PTK2: variants seen among roughly 807,000 people sequenced by gnomAD.
The protein encoded by PTK2 is focal adhesion kinase 1.
PTK2 carries 45 observed loss-of-function variants against 150.1 expected under a neutral mutation model. The ratio of observed to expected loss-of-function variants is 0.30; its 90% CI spans 0.24 to 0.38. The LOEUF (loss-of-function observed/expected upper bound fraction) is 0.38, where lower values mean the gene tolerates loss of function less well. Among genes scored for constraint, PTK2 ranks in the 10% least tolerant of loss-of-function variants. The pLI, the probability that PTK2 is intolerant of heterozygous loss-of-function variation, is 1.00. For missense variants in PTK2, 919 were observed against 1,307.3 expected (o/e 0.70, Z 4.58); for synonymous variants, 432 against 449.2 (o/e 0.96, Z 0.48).
At chr8:140,912,976 C>G (rs930523913) in intron 2 of PTK2, among the ~76,000 whole-genome samples, 1 of 151,816 alleles carries the variant, frequency 6.6e-6, no homozygotes, top group Non-Finnish European at 1.5e-5. Flanking sequence ...AGGATATCCA[C>G]AAAAACAAAA....
At chr8:140,662,720 C>T (rs1275074450) in intron 31 of PTK2, 3 of 596,180 alleles carry the variant, frequency 5.0e-6, no homozygotes, top group African/African-American at 3.6e-5. Flanking sequence ...ACTGGAACAT[C>T]CCCTGGACAT....
chr8:140,861,838 C>T (rs908393975), intron 5 of PTK2, among the ~76,000 whole-genome samples: 1 of 152,190 alleles, frequency 6.6e-6, no homozygotes, highest in East Asian at 1.9e-4. Flanking sequence ...TAACACTTAA[C>T]TATACTTAGT....
intron 7 of PTK2, among the ~76,000 whole-genome samples, chr8:140,839,338 C>A (rs908635462): frequency 6.6e-6 from 1 of 152,294 alleles, no homozygotes. Flanking sequence ...ACTCAGCTTG[C>A]CCAGTCTAGG....
upstream of PTK2, chr8:141,002,054 A>T (rs1211300733): frequency 6.6e-6 from 1 of 152,154 alleles, no homozygotes. Context: ...GCTCGCCCCG[A>T]CACCGACCCG....
chr8:140,703,139 T>G (rs1591231913), intron 24 of PTK2, among the ~76,000 whole-genome samples: 2 of 151,342 alleles, frequency 1.3e-5, no homozygotes, highest in African/African-American at 4.9e-5. Context: ...AGGTCAGGAG[T>G]AGCCTGTAGT....
intron 8 of PTK2, among the ~76,000 whole-genome samples, chr8:140,826,249 G>T (rs1416668606): frequency 6.6e-6 from 1 of 152,164 alleles, no homozygotes; most frequent in Non-Finnish European, 1.5e-5. Flanking sequence ...AAGTTTCACT[G>T]GCAATAGCTT....
chr8:140,983,300 T>C (rs1205225716), intron 1 of PTK2, among the ~76,000 whole-genome samples: 3 of 149,082 alleles, frequency 2.0e-5, no homozygotes, highest in African/African-American at 4.9e-5. Flanking sequence ...GGCAGGAGAA[T>C]TGCTTGAACC....
At chr8:140,700,634 C>T (rs2100029682) in intron 26 of PTK2, 1 of 284,894 alleles carries the variant, frequency 3.5e-6, no homozygotes. Flanking sequence ...CAGGCATGCA[C>T]CCGGCTACTT....
intron 21 of PTK2, among the ~76,000 whole-genome samples, chr8:140,736,857 ATGACT>A (rs1187567284): frequency 3.3e-5 from 5 of 152,328 alleles, no homozygotes; most frequent in Middle Eastern, 3.4e-3. Context: ...TGTACAATTG[ATGACT>A]TGAAGAAAGG....
chr8:140,938,991 T>C (rs2100174707), intron 1 of PTK2, among the ~76,000 whole-genome samples: 2 of 151,768 alleles, frequency 1.3e-5, no homozygotes, highest in Admixed American at 1.3e-4. Flanking sequence ...ATTTTTTTTT[T>C]TGAAAAAAGA....
intron 14 of PTK2, among the ~76,000 whole-genome samples, chr8:140,770,427 AAAC>A (rs1475534911): frequency 4.6e-5 from 7 of 152,190 alleles, no homozygotes; most frequent in Admixed American, 3.3e-4. Context: ...GAAAACACTC[AAAC>A]AACACAAATG....
At chr8:140,972,273 T>C (rs1220551492) in intron 1 of PTK2, among the ~76,000 whole-genome samples, 3 of 152,202 alleles carry the variant, frequency 2.0e-5, no homozygotes, top group Middle Eastern at 3.2e-3. Context: ...AAATAATTGT[T>C]AATTTTTTTT....
At chr8:140,967,241 G>A (rs1273010620) in intron 1 of PTK2, among the ~76,000 whole-genome samples, 7 of 152,106 alleles carry the variant, frequency 4.6e-5, no homozygotes, top group African/African-American at 1.2e-4. Flanking sequence ...AATTAACCAC[G>A]TAATATTGTT....
In PTK2 at chr8:140,659,692, G is replaced by C. The variant is rs561418306; in HGVS notation, c.2947-14C>G. On this transcript the variant is annotated splice_polypyrimidine_tract_variant and intron_variant, in intron 31 of 31. Coordinates refer to ENST00000522684, the Ensembl canonical transcript of PTK2. ...TGCCATCTCAATCTGAAAGACAAGA[G>C]ATAGGTCAGGAGAACTGTTTTCAGT... The C allele has an allele frequency of 2.1e-5, 33 of 1,604,066 alleles. No homozygotes were observed. The highest frequency in any genetic ancestry group is 1.2e-4 in the South Asian group (11 of 90,680).
At chr8:140,707,497 C>A (rs1178627195) in intron 23 of PTK2, among the ~76,000 whole-genome samples, 1 of 152,294 alleles carries the variant, frequency 6.6e-6, no homozygotes. Flanking sequence ...CCACTGCCTC[C>A]CGGGTTTGAG....
chr8:140,871,387 C>A, intron 4 of PTK2, among the ~76,000 whole-genome samples: 1 of 152,348 alleles, frequency 6.6e-6, no homozygotes, highest in Non-Finnish European at 1.5e-5. Context: ...TCAGTATCAT[C>A]ATTAAGCACA....
chr8:140,836,818 C>A (rs2100118943), intron 7 of PTK2, among the ~76,000 whole-genome samples: 1 of 152,022 alleles, frequency 6.6e-6, no homozygotes, highest in Non-Finnish European at 1.5e-5. Context: ...ACTATACAAA[C>A]CACTATAGCA....
chr8:140,795,251 C>T (rs1353605073), intron 12 of PTK2, among the ~76,000 whole-genome samples: 1 of 152,146 alleles, frequency 6.6e-6, no homozygotes, highest in Non-Finnish European at 1.5e-5. Context: ...CACATTACTC[C>T]TCTCTTCACA....
intron 12 of PTK2, 42 bp downstream of exon 12, chr8:140,800,417 T>C: frequency 1.3e-6 from 2 of 1,497,450 alleles, no homozygotes; most frequent in Non-Finnish European, 1.9e-6. Context: ...GCTAAATATT[T>C]GGTAGAAGCG....
Sources: gnomAD v4.1 joint callset for allele counts (sites outside exome capture counted in the v4.1 genomes callset) on GRCh38, gnomAD v4.1.1 for gene constraint, MANE v1.5 for transcripts, NCBI Gene and HGNC (gene_info 2026-07-23, HGNC 2026-07-21) for gene names.